Variants in ZNF628 observed in about 807,000 individuals in gnomAD.
The protein encoded by ZNF628 is zinc finger protein 628.
Under a neutral mutation model 2.5 loss-of-function variants are expected in ZNF628, and 3 were observed. That is an observed-to-expected ratio of 1.19 (90% CI 0.54 to 3.07). The LOEUF is 3.07. Among genes scored for constraint, ZNF628 ranks in the 30% most tolerant of loss-of-function variants. ZNF628 has a pLI of 0.03. For missense variants in ZNF628, 1,610 were observed against 1,517.1 expected, an observed-to-expected ratio of 1.06 and a Z score of -1.02; for synonymous variants, 861 against 717.1, an observed-to-expected ratio of 1.20 and a Z score of -3.21.
Position 55,483,490 on chromosome 19 carries a change from A to C in ZNF628, c.2297A>C (p.Lys766Thr). 2.0e-6 allele frequency: 3 copies of C among 1,535,540 alleles called. No homozygotes were observed. The highest frequency in any genetic ancestry group is 1.2e-5 in the South Asian group (1 of 80,510). ...RARQGPRAVG[K>T]AGQGAGVVWL... ...AGGCAGGGCCCGCGGGCAGTGGGGA[A>C]AGCGGGCCAGGGGGCGGGAGTGGTC... The change falls in exon 3 of 3, where the codon AAA becomes ACA. Residue 766 changes from lysine to threonine, a missense_variant. By Grantham distance (78) the Lys-to-Thr change is moderately conservative. Around this residue, in one of 5 missense-constraint regions of ZNF628, gnomAD observed 712 missense variants for 603.6 expected, o/e 1.18. Coordinates refer to ENST00000598519, the MANE Select transcript of ZNF628 (RefSeq NM_033113.3).
chr19:55,483,243 C>T lies in ZNF628; in HGVS notation c.2050C>T (p.Leu684Phe), dbSNP rs1353028747. The change falls in exon 3 of 3, where the codon CTC becomes TTC. Residue 684 changes from leucine to phenylalanine, a missense_variant. Physicochemically the swap from Leu to Phe is conservative, Grantham distance 22. Transcript: ENST00000598519. Reference sequence around the variant, plus strand: ...CCAAGATGTCCACGTCCTGCCCCACCTCCAGGCCACGCTCTCCCTCGAGGT... The same window carrying T: ...CCAAGATGTCCACGTCCTGCCCCACTTCCAGGCCACGCTCTCCCTCGAGGT... ...ATQDVHVLPH[L>F]QATLSLEVAG... The T allele has an allele frequency of 2.0e-6, 3 of 1,534,690 alleles. No individual in the cohort carries two copies. The highest frequency in any genetic ancestry group is 2.6e-6 in the Non-Finnish European group (3 of 1,145,680).
Position 55,483,063 on chromosome 19 carries a change from T to C in ZNF628, c.1870T>C (p.Cys624Arg). ...GCACTCGGCGGAGCGCCCCTTCACC[T>C]GCCCCATCTGCGGTCGCGGCTTCGT... ...RTHSAERPFT[C>R]PICGRGFVMA... Residue 624 changes from cysteine to arginine, a missense_variant, in exon 3 of 3, where the codon TGC becomes CGC. Cys to Arg is a radical substitution (Grantham distance 180). Coordinates refer to ENST00000598519, the MANE Select transcript of ZNF628 (RefSeq NM_033113.3). The C allele has an allele frequency of 6.2e-7, 1 of 1,610,730 alleles. No homozygotes were observed. Among genetic ancestry groups the C allele is most frequent in the South Asian group, 1.1e-5 (1 of 91,064 alleles).
Position 55,481,911 on chromosome 19 carries a change from C to T in ZNF628, c.718C>T (p.Pro240Ser), listed in dbSNP as rs776321927. 2.7e-6 allele frequency: 4 copies of T among 1,467,490 alleles called. No homozygotes were observed. The highest frequency in any genetic ancestry group is 2.4e-5 in the Admixed American group (1 of 42,466). The allele number at this position is 1,467,490 out of a possible 1,614,324, so 90.9% of individuals were successfully genotyped here. ...CCCGGGTACCGCCTCCGCGGCCCCG[C>T]CCCCCCAGTCCCGGGAGCCCGGCAA... Reference protein sequence around the residue: ...PAPGTASAAPPPQSREPGKVF... With the variant: ...PAPGTASAAPSPQSREPGKVF... The change falls in exon 3 of 3, where the codon CCC (proline) becomes TCC (serine). Residue 240 changes from proline to serine, a missense_variant. By Grantham distance (74) the Pro-to-Ser change is moderately conservative. Transcript: ENST00000598519.
At position 55,482,995 on chromosome 19, in the gene ZNF628, A is replaced by T; in HGVS notation, c.1802A>T (p.Lys601Met). 6.2e-7 allele frequency: 1 copy of T among 1,612,076 alleles called. No individual in the cohort carries two copies. The highest frequency in any genetic ancestry group is 8.5e-7 in the Non-Finnish European group (1 of 1,179,456). ...CCCTTCCGCTGCCCGCTCTGCCCCA[A>T]GACCTTCACCCACTCCTCCAACCTG... is the stretch of plus-strand genomic sequence containing the variant. ...ERPFRCPLCPKTFTHSSNLLL... is the reference protein window; with the variant it reads ...ERPFRCPLCPMTFTHSSNLLL... The change falls in exon 3 of 3, where the codon AAG becomes ATG. Residue 601 changes from lysine (K) to methionine (M), a missense_variant. Transcript: ENST00000598519.
Position 55,484,252 on chromosome 19 carries a change from C to G in ZNF628, c.3059C>G (p.Ala1020Gly). The G allele has an allele frequency of 2.6e-6, 4 of 1,548,360 alleles. No individual in the cohort carries two copies. The highest frequency in any genetic ancestry group is 3.5e-6 in the Non-Finnish European group (4 of 1,146,018). ...CCCGCGGGGCTCCCCGGGGCTCCAGCCTCCCAGATGGTGCAAGTGGTCCCC... is the reference window on the plus strand; with the variant it reads ...CCCGCGGGGCTCCCCGGGGCTCCAGGCTCCCAGATGGTGCAAGTGGTCCCC... ...SGPAGLPGAPASQMVQVVPAG... is the reference protein window; with the variant it reads ...SGPAGLPGAPGSQMVQVVPAG... Residue 1020 changes from alanine to glycine, a missense_variant, in exon 3 of 3, where the codon GCC becomes GGC. Ala to Gly is a moderately conservative substitution (Grantham distance 60). Coordinates refer to ENST00000598519, the MANE Select transcript of ZNF628 (RefSeq NM_033113.3).
At chr19:55,476,847 G>C (rs1986557572) in intron 1 of ZNF628, 40 bp downstream of exon 1, 1 of 146,986 alleles carries the variant, frequency 6.8e-6, no homozygotes, top group East Asian at 2.1e-4. Flanking sequence ...GGAGGGACCG[G>C]AGGGCGGAGA....
intron 1 of ZNF628, among the ~76,000 whole-genome samples, chr19:55,477,331 G>A (rs906977058): frequency 2.0e-5 from 3 of 150,578 alleles, no homozygotes; most frequent in African/African-American, 7.4e-5. Context: ...GGCACGTGCA[G>A]CTTCTTAGCA....
In ZNF628 at chr19:55,484,430, G is replaced by A. The variant is rs1401016053; in HGVS notation, c.*57G>A. On this transcript the variant is annotated 3_prime_UTR_variant, in exon 3 of 3. Transcript: ENST00000598519. Reference sequence around the variant, plus strand: ...CAGAGACCCCGACTCACTGCCAGCCGGGGCGGGGCAGGGTGCCGCAGGCTG... The same window carrying A: ...CAGAGACCCCGACTCACTGCCAGCCAGGGCGGGGCAGGGTGCCGCAGGCTG... 5 of 1,389,538 alleles carry A rather than the reference G, an allele frequency of 3.6e-6. No homozygotes were observed. Among genetic ancestry groups the A allele is most frequent in the Non-Finnish European group, 1.9e-6 (2 of 1,058,210 alleles). 86.1% of individuals were successfully genotyped at this position (1,389,538 alleles called of 1,614,324 possible).
rs749006014 is a variant in ZNF628, at chr19:55,483,898, C to G, written c.2705C>G (p.Thr902Ser). Residue 902 changes from threonine (T) to serine (S), a missense_variant, in exon 3 of 3, where the codon ACT (threonine) becomes AGT (serine). This residue lies in a region of ZNF628 where 712 missense variants were observed against 603.6 expected (regional missense o/e 1.18). Coordinates refer to ENST00000598519, the MANE Select transcript of ZNF628 (RefSeq NM_033113.3). ...AGCGGGGCAGCTGAGGAGTTGCTCA[C>G]TGGCCCGGGCCCCGGGGAGGCGGGG... ...VQSGAAEELL[T>S]GPGPGEAGDG... 12 of 1,596,414 alleles carry G rather than the reference C, an allele frequency of 7.5e-6. No individual in the cohort carries two copies. The South Asian group carries it at 1.0e-4, about 13-fold the overall frequency.
chr19:55,482,501 C>A lies in ZNF628; in HGVS notation c.1308C>A (p.Ala436=), dbSNP rs773448472. ...VTCPQEPLAP[A]APVPPPPPSA... ...GCCCCCAGGAACCGCTGGCGCCTGC[C>A]GCCCCCGTCCCGCCGCCACCCCCGT... Residue 436 remains alanine (A), a synonymous_variant, in exon 3 of 3, where the codon GCC becomes GCA. Transcript: ENST00000598519. The A allele has an allele frequency of 6.9e-7, 1 of 1,448,440 alleles. No individual in the cohort carries two copies. Among genetic ancestry groups the A allele is most frequent in the Admixed American group, 2.5e-5 (1 of 39,684 alleles). 89.7% of individuals were successfully genotyped at this position (1,448,440 alleles called of 1,614,324 possible). A position where few individuals can be genotyped will look rare whatever the true frequency, so the allele number is the denominator to read the frequency against.
rs1322539184 is a variant in ZNF628, at chr19:55,483,631, A to G, written c.2438A>G (p.Gln813Arg). 1.2e-6 allele frequency: 2 copies of G among 1,613,544 alleles called. No individual in the cohort carries two copies. The highest frequency in any genetic ancestry group is 1.7e-6 in the Non-Finnish European group (2 of 1,179,816). Reference protein sequence around the residue: ...QNVGGGEAGPQEMSGVQLQPL... With the variant: ...QNVGGGEAGPREMSGVQLQPL... ...GTGGGGGGTGGGGAGGCAGGGCCAC[A>G]GGAAATGAGTGGGGTGCAGCTCCAG... is the stretch of plus-strand genomic sequence containing the variant. The change falls in exon 3 of 3, where the codon CAG becomes CGG. Residue 813 changes from glutamine (Q) to arginine (R), a missense_variant. Coordinates refer to ENST00000598519, the MANE Select transcript of ZNF628 (RefSeq NM_033113.3).
rs1332527700 is a variant in ZNF628, at chr19:55,483,200, G to A, written c.2007G>A (p.Ala669=). The change falls in exon 3 of 3, where the codon GCG becomes GCA. Residue 669 remains alanine (A), a synonymous_variant. Transcript: ENST00000598519. ...GPQPPAPLAA[A]RAPPATQDVH... ...AGCCCCCTGCTCCACTGGCTGCTGCGCGGGCCCCGCCAGCCACCCAAGATG... is the reference window on the plus strand; with the variant it reads ...AGCCCCCTGCTCCACTGGCTGCTGCACGGGCCCCGCCAGCCACCCAAGATG... The A allele has an allele frequency of 1.8e-5, 28 of 1,543,996 alleles. No individual in the cohort carries two copies. Among genetic ancestry groups the A allele is most frequent in the East Asian group, 1.7e-4 (7 of 41,340 alleles).
chr19:55,478,561 C>T (rs1330639821), intron 1 of ZNF628, among the ~76,000 whole-genome samples: 1 of 152,212 alleles, frequency 6.6e-6, no homozygotes, highest in Non-Finnish European at 1.5e-5. Flanking sequence ...AGAACTGTGG[C>T]AGATTTCTGA....
At chr19:55,478,568 C>T (rs1002946866) in intron 1 of ZNF628, among the ~76,000 whole-genome samples, 1 of 152,198 alleles carries the variant, frequency 6.6e-6, no homozygotes, top group African/African-American at 2.4e-5. Flanking sequence ...TGGCAGATTT[C>T]TGAGTACAGG....
Position 55,482,036 on chromosome 19 carries a change from G to A in ZNF628, c.843G>A (p.Glu281=). The change falls in exon 3 of 3, where the codon GAG becomes GAA. Residue 281 remains glutamate (E), a synonymous_variant. Transcript: ENST00000598519. ...CCCCGCCCCCGCCCGTGGTGCCTGA[G>A]CTCTTTTTGGCGGCGGCGGAGACCA... ...PPPPPPPVVP[E]LFLAAAETTV... is the part of the protein sequence containing the mutation. The A allele has an allele frequency of 1.3e-6, 2 of 1,483,462 alleles. No homozygotes were observed. The highest frequency in any genetic ancestry group is 1.8e-6 in the Non-Finnish European group (2 of 1,119,866). 91.9% of individuals were successfully genotyped at this position (1,483,462 alleles called of 1,614,324 possible).
In ZNF628 at chr19:55,482,009, G is replaced by GC; in HGVS notation, c.821dup (p.Pro275AlafsTer7). Reference sequence around the variant, plus strand: ...GCCCGCCCGCGCCTCCCGCCCCGCCGCCCCCGCCCCCGCCCGTGGTGCCTG... The same window carrying GC: ...GCCCGCCCGCGCCTCCCGCCCCGCCGCCCCCCGCCCCCGCCCGTGGTGCCTG... On this transcript the variant is annotated frameshift_variant, in exon 3 of 3. Coordinates refer to ENST00000598519, the MANE Select transcript of ZNF628 (RefSeq NM_033113.3). LOFTEE classifies it low-confidence loss of function (END_TRUNC). 1 of 1,223,104 alleles carries GC rather than the reference G, an allele frequency of 8.2e-7. No individual in the cohort carries two copies. The allele number at this position is 1,223,104 out of a possible 1,614,324, so 75.8% of individuals were successfully genotyped here.
chr19:55,483,658 C>A lies in ZNF628; in HGVS notation c.2465C>A (p.Pro822His). 1 of 1,613,732 alleles carries A rather than the reference C, an allele frequency of 6.2e-7. No homozygotes were observed. Among genetic ancestry groups the A allele is most frequent in the Non-Finnish European group, 8.5e-7 (1 of 1,179,848 alleles). Residue 822 changes from proline (P) to histidine (H), a missense_variant, in exon 3 of 3, where the codon CCC becomes CAC. Coordinates refer to ENST00000598519, the MANE Select transcript of ZNF628 (RefSeq NM_033113.3). ...GAAATGAGTGGGGTGCAGCTCCAGC[C>A]CCTCCGACCAGCCCCAGAAGTAACC... ...PQEMSGVQLQPLRPAPEVTTV... is the reference protein window; with the variant it reads ...PQEMSGVQLQHLRPAPEVTTV...
chr19:55,482,254 C>T lies in ZNF628; in HGVS notation c.1061C>T (p.Pro354Leu), dbSNP rs774251683. ...CCTCCTCCCGCCGCCGCCCCCGCGC[C>T]TGGCTTTGCCTGTCTGCCCTGCGGC... ...QPPPPAAAPA[P>L]GFACLPCGKS... Residue 354 changes from proline (P) to leucine (L), a missense_variant, in exon 3 of 3, where the codon CCT (proline) becomes CTT (leucine). By Grantham distance (98) the Pro-to-Leu change is moderately conservative. Coordinates refer to ENST00000598519, the MANE Select transcript of ZNF628 (RefSeq NM_033113.3). 1.1e-5 allele frequency: 16 copies of T among 1,454,780 alleles called. No homozygotes were observed. In the African/African-American group the frequency reaches 1.3e-4, roughly 12 times the overall value. The allele number at this position is 1,454,780 out of a possible 1,614,324, so 90.1% of individuals were successfully genotyped here.
rs746030815 is a variant in ZNF628 at position 55,482,614 on chromosome 19, G to A, written c.1421G>A (p.Arg474Gln). Residue 474 changes from arginine (R) to glutamine (Q), a missense_variant, in exon 3 of 3, where the codon CGG becomes CAG. Arg to Gln is a conservative substitution (Grantham distance 43). Transcript: ENST00000598519. The stretch of plus-strand genomic sequence containing the variant: ...TCCTCCGGGCTGCGCTACCACCTGC[G>A]GGACCACACGGGCGAGCGGCCCTAC... Reference protein sequence around the residue: ...KGSSGLRYHLRDHTGERPYQC... With the variant: ...KGSSGLRYHLQDHTGERPYQC... 1.3e-5 allele frequency: 21 copies of A among 1,607,492 alleles called. No homozygotes were observed. The South Asian group carries it at 1.8e-4, about 13-fold the overall frequency.
Sources: gnomAD v4.1 joint callset for allele counts (sites outside exome capture counted in the v4.1 genomes callset) on GRCh38, gnomAD v4.1.1 for gene constraint, gnomAD v4.1.1 regional missense constraint, MANE v1.5 for transcripts, NCBI Gene and HGNC (gene_info 2026-07-23, HGNC 2026-07-21) for gene names.